PLXDC1: variants seen among roughly 807,000 people sequenced by gnomAD.
The protein encoded by PLXDC1 is plexin domain containing 1.
A neutral mutation model predicts 61.3 loss-of-function variants in PLXDC1; 39 were observed. The observed-to-expected ratio is 0.64, with a 90% CI of 0.49 to 0.83. The LOEUF is 0.83. Among genes scored for constraint, PLXDC1 ranks in the 40% least tolerant of loss-of-function variants. The pLI, the probability that PLXDC1 is intolerant of heterozygous loss-of-function variation, is 0.00. For synonymous variants in PLXDC1, 212 were observed against 254.5 expected (o/e 0.83, Z 1.59); for missense variants, 596 against 666.5 (o/e 0.89, Z 1.17).
chr17:39,095,528 G>A (rs1252657124), intron 7 of PLXDC1, among the ~76,000 whole-genome samples: 2 of 151,816 alleles, frequency 1.3e-5, no homozygotes, highest in Non-Finnish European at 2.9e-5. Context: ...GCAGTTTAAG[G>A]TGTTCTGTTT....
rs1385264153 is a variant in PLXDC1, at chr17:39,072,502, C to T, written c.1187-17G>A. 1 of 1,478,200 alleles carries T rather than the reference C, an allele frequency of 6.8e-7. No individual in the cohort carries two copies. Among genetic ancestry groups the T allele is most frequent in the Non-Finnish European group, 9.3e-7 (1 of 1,077,322 alleles). 91.6% of individuals were successfully genotyped at this position (1,478,200 alleles called of 1,614,324 possible). ...TGGTGTCATCTTCAAAGAGAGAAGA[C>T]AGAAGGAGCAAGATTAGTGGAATCA... On this transcript the variant is annotated splice_polypyrimidine_tract_variant and intron_variant, in intron 11 of 13. Transcript: ENST00000315392.
At chr17:39,104,177 A>T (rs552060274) in intron 7 of PLXDC1, among the ~76,000 whole-genome samples, 4 of 152,158 alleles carry the variant, frequency 2.6e-5, no homozygotes, top group Non-Finnish European at 5.9e-5. Context: ...TAGGCCCAAC[A>T]CTTTACATAC....
chr17:39,108,922 T>C lies in PLXDC1; in HGVS notation c.451A>G (p.Ile151Val), dbSNP rs1394092901. The C allele has an allele frequency of 1.2e-6, 2 of 1,613,466 alleles. No individual in the cohort carries two copies. Among genetic ancestry groups the C allele is most frequent in the Non-Finnish European group, 1.7e-6 (2 of 1,179,676 alleles). ...FPFYGHPLRQ[I>V]TIATGGFIFM... is the part of the protein sequence containing the mutation. ...GCCTTACCTCCAGTTGCTATGGTGA[T>C]CTGCCGCAGAGGATGCCCGTAGAAA... The change falls in exon 4 of 14, where the codon ATC becomes GTC. Residue 151 changes from isoleucine to valine, a missense_variant. Physicochemically the swap from Ile to Val is conservative, Grantham distance 29. Transcript: ENST00000315392.
At chr17:39,104,611 CTG>C (rs1456758661) in intron 7 of PLXDC1, among the ~76,000 whole-genome samples, 1 of 152,040 alleles carries the variant, frequency 6.6e-6, no homozygotes, top group Non-Finnish European at 1.5e-5. Flanking sequence ...TAGCAAGGCC[CTG>C]TCTCTACAAA....
intron 2 of PLXDC1, among the ~76,000 whole-genome samples, chr17:39,118,628 C>G (rs1911066936): frequency 6.6e-6 from 1 of 152,190 alleles, no homozygotes; most frequent in South Asian, 2.1e-4. Context: ...GATGCTCCAT[C>G]CCCATCCCAA....
intron 1 of PLXDC1, among the ~76,000 whole-genome samples, chr17:39,146,474 C>T (rs1206226311): frequency 1.3e-5 from 2 of 151,740 alleles, no homozygotes; most frequent in Non-Finnish European, 2.9e-5. Context: ...TCCAGGAGTT[C>T]GAGACCAGAC....
chr17:39,106,950 C>G (rs1487684394), intron 6 of PLXDC1, among the ~76,000 whole-genome samples: 2 of 151,848 alleles, frequency 1.3e-5, no homozygotes. Context: ...CCGCACCTGG[C>G]CCATGCTGCC....
chr17:39,092,271 C>G lies in PLXDC1; in HGVS notation c.812-4569G>C, dbSNP rs1364648266. 2.6e-5 allele frequency among the ~76,000 whole-genome samples: 4 copies of G among 151,774 alleles called. No homozygotes were observed. The East Asian group carries it at 7.8e-4, about 30-fold the overall frequency. On this transcript the variant is annotated intron_variant, in intron 7 of 13. Coordinates refer to ENST00000315392, the MANE Select transcript of PLXDC1 (RefSeq NM_020405.5). ...TGTATTTTTAGTAGAGATGGGTCTC[C>G]CTGTACTACCCAGGCTGGTCTCCAA...
intron 2 of PLXDC1, among the ~76,000 whole-genome samples, chr17:39,122,302 G>A (rs1453158623): frequency 6.7e-6 from 1 of 149,662 alleles, no homozygotes; most frequent in Non-Finnish European, 1.5e-5. Context: ...CTACTCAGGA[G>A]GCTGAGGCAG....
chr17:39,121,323 A>G (rs1046854789), intron 2 of PLXDC1, among the ~76,000 whole-genome samples: 11 of 147,122 alleles, frequency 7.5e-5, no homozygotes, highest in Middle Eastern at 6.8e-3. Context: ...CTGCTTCCCT[A>G]AAATGTATAA....
intron 8 of PLXDC1, among the ~76,000 whole-genome samples, chr17:39,086,332 CT>C (rs1037232331): frequency 6.6e-6 from 1 of 152,118 alleles, no homozygotes; most frequent in Non-Finnish European, 1.5e-5. Context: ...CTGTGACCCC[CT>C]GGTGTCTGAG....
intron 2 of PLXDC1, among the ~76,000 whole-genome samples, chr17:39,136,140 C>T (rs778684506): frequency 3.9e-5 from 6 of 152,170 alleles, no homozygotes; most frequent in Non-Finnish European, 8.8e-5. Context: ...CTCTGTCCTT[C>T]CACTCCACCA....
chr17:39,136,974 G>C (rs1233484814), intron 2 of PLXDC1, among the ~76,000 whole-genome samples: 1 of 152,184 alleles, frequency 6.6e-6, no homozygotes, highest in Non-Finnish European at 1.5e-5. Flanking sequence ...TTGTAGAAAG[G>C]AGAAATCTGA....
chr17:39,068,674 C>T (rs577776927), intron 13 of PLXDC1, among the ~76,000 whole-genome samples: 6 of 152,220 alleles, frequency 3.9e-5, no homozygotes, highest in Admixed American at 1.3e-4. Context: ...GAGACTGTCT[C>T]GAAATAAATA....
At chr17:39,071,791 C>T (rs546150519) in intron 12 of PLXDC1, among the ~76,000 whole-genome samples, 125 of 152,304 alleles carry the variant, frequency 8.2e-4, no homozygotes, top group African/African-American at 2.5e-3. Flanking sequence ...CATTAATAAT[C>T]TTTCCTCTCC....
chr17:39,077,652 C>T (rs977632008), intron 11 of PLXDC1, among the ~76,000 whole-genome samples: 3 of 152,340 alleles, frequency 2.0e-5, no homozygotes. Flanking sequence ...CCCCTCTTCA[C>T]AGTGAATTGT....
At chr17:39,128,044 GCTCTCT>G (rs36178620) in intron 2 of PLXDC1, among the ~76,000 whole-genome samples, 4 of 95,594 alleles carry the variant, frequency 4.2e-5, no homozygotes, top group East Asian at 3.1e-4. Flanking sequence ...CACTAGGACA[GCTCTCT>G]CTCTCTCTCT....
intron 11 of PLXDC1, among the ~76,000 whole-genome samples, chr17:39,077,101 C>T (rs1481758625): frequency 6.6e-6 from 1 of 151,970 alleles, no homozygotes; most frequent in Non-Finnish European, 1.5e-5. Flanking sequence ...CCCCTGACCT[C>T]AAGTGGTCTG....
intron 10 of PLXDC1, among the ~76,000 whole-genome samples, 192 bp from the exon 11 acceptor site, chr17:39,078,240 C>T (rs542447318): frequency 6.6e-6 from 1 of 152,274 alleles, no homozygotes; most frequent in Non-Finnish European, 1.5e-5. Flanking sequence ...CAAAAGTAGG[C>T]GGCTGGACAG....
Sources: gnomAD v4.1 joint callset for allele counts (sites outside exome capture counted in the v4.1 genomes callset) on GRCh38, gnomAD v4.1.1 for gene constraint, MANE v1.5 for transcripts, NCBI Gene and HGNC (gene_info 2026-07-23, HGNC 2026-07-21) for gene names.